The following UBAC2 variants were observed in gnomAD, a reference collection of about 807,000 sequenced individuals.
The protein encoded by UBAC2 is ubiquitin-associated domain-containing protein 2.
In UBAC2, 26 loss-of-function variants were observed where a neutral mutation model predicts 44.0. The ratio of observed to expected loss-of-function variants is 0.59; its 90% CI spans 0.43 to 0.82. The LOEUF (loss-of-function observed/expected upper bound fraction) is 0.82. UBAC2 is among the 40% of genes least tolerant of loss of function. The pLI is 0.00. For synonymous variants in UBAC2, 155 were observed against 154.3 expected (o/e 1.00, Z -0.04); for missense variants, 329 against 419.4 (o/e 0.78, Z 1.88).
rs1289037061 is a variant in UBAC2 at position 99,371,212 on chromosome 13, G to A, written c.927+3306G>A. On this transcript the variant is annotated intron_variant, in intron 8 of 8. Transcript: ENST00000403766. ...TTGATCATCCCAGAATGACAACAGC[G>A]AGGTTACTTCTTGTCAACATCAGTT... Among the ~76,000 whole-genome samples the A allele has an allele frequency of 4.6e-5, 7 of 151,966 alleles. No individual in the cohort carries two copies. In the South Asian group the frequency reaches 6.2e-4, roughly 14 times the overall value.
chr13:99,320,841 A>G (rs1292563584), intron 6 of UBAC2, among the ~76,000 whole-genome samples: 1 of 152,254 alleles, frequency 6.6e-6, no homozygotes, highest in African/African-American at 2.4e-5. Flanking sequence ...TGAGATTCAC[A>G]AAGCCACAGT....
chr13:99,235,694 G>A (rs1292973859), intron 1 of UBAC2, among the ~76,000 whole-genome samples: 1 of 152,156 alleles, frequency 6.6e-6, no homozygotes, highest in Non-Finnish European at 1.5e-5. Context: ...TTGTGCTGGG[G>A]CCGGGTGCAG....
rs957900867 is a variant in UBAC2, at chr13:99,260,714, AT to A, written c.389+16101del. Among the ~76,000 whole-genome samples the A allele has an allele frequency of 1.5e-3, 223 of 149,160 alleles. 4 individuals are homozygous for A. In the East Asian group the frequency reaches 0.022, roughly 15 times the overall value. ...TTTCTTTAATACTTGAACCTAATGAATTTTTTTTTTTCCCCAAACAGAGGAA... is the reference window on the plus strand; with the variant it reads ...TTTCTTTAATACTTGAACCTAATGAATTTTTTTTTTCCCCAAACAGAGGAA... On this transcript the variant is annotated intron_variant, in intron 4 of 8. Coordinates refer to ENST00000403766, the MANE Select transcript of UBAC2 (RefSeq NM_001144072.2).
rs189291157 is a variant in UBAC2, at chr13:99,346,686, C to T, written c.807+6121C>T. Among the ~76,000 whole-genome samples, 19 of 152,204 alleles carry T rather than the reference C, an allele frequency of 1.2e-4. No homozygotes were observed. In the East Asian group the frequency reaches 2.1e-3, roughly 17 times the overall value. On this transcript the variant is annotated intron_variant, in intron 7 of 8. Transcript: ENST00000403766. The stretch of plus-strand genomic sequence containing the variant: ...TTTACTCGGCATTCCTGACAAATAT[C>T]GCCTCCTCAGGGAGGCCTTCCCCAG...
At chr13:99,367,285 C>T (rs1011133966) in intron 7 of UBAC2, among the ~76,000 whole-genome samples, 10 of 152,190 alleles carry the variant, frequency 6.6e-5, no homozygotes, top group East Asian at 1.9e-4. Flanking sequence ...CCACTGTGTG[C>T]GCTCAGGATT....
chr13:99,329,037 G>T (rs1291599936), intron 6 of UBAC2, among the ~76,000 whole-genome samples: 1 of 152,278 alleles, frequency 6.6e-6, no homozygotes, highest in African/African-American at 2.4e-5. Flanking sequence ...ATACTCATTT[G>T]TTCCATTACC....
intron 6 of UBAC2, 22 bp downstream of exon 6, chr13:99,318,091 C>T: frequency 6.3e-7 from 1 of 1,599,838 alleles, no homozygotes; most frequent in Non-Finnish European, 8.6e-7. Context: ...TACCCTTTTA[C>T]ACCCAATTCT....
At chr13:99,293,598 T>G (rs2044123848) in intron 4 of UBAC2, among the ~76,000 whole-genome samples, 1 of 152,216 alleles carries the variant, frequency 6.6e-6, no homozygotes, top group Admixed American at 6.5e-5. Context: ...GATTTGGGCT[T>G]TCATCCGTGT....
chr13:99,275,952 C>G (rs140032557), intron 4 of UBAC2, among the ~76,000 whole-genome samples: 17 of 152,298 alleles, frequency 1.1e-4, no homozygotes, highest in African/African-American at 4.1e-4. Context: ...AGATCATACT[C>G]TCCACTCTAA....
chr13:99,250,300 C>CTT (rs1312251282), intron 4 of UBAC2, among the ~76,000 whole-genome samples: 2 of 152,126 alleles, frequency 1.3e-5, no homozygotes, highest in Non-Finnish European at 2.9e-5. Flanking sequence ...ATCCTAGCAC[C>CTT]ATTTATTGAA....
chr13:99,312,227 G>A (rs1294870647), intron 4 of UBAC2, among the ~76,000 whole-genome samples: 4 of 152,236 alleles, frequency 2.6e-5, no homozygotes, highest in African/African-American at 9.6e-5. Context: ...GAGGCCAGGA[G>A]GGTCCTGTGT....
intron 1 of UBAC2, among the ~76,000 whole-genome samples, chr13:99,213,709 C>T (rs2042960186): frequency 6.6e-6 from 1 of 152,024 alleles, no homozygotes; most frequent in Admixed American, 6.6e-5. Flanking sequence ...CAGTATTTTC[C>T]CGTTAGAAAC....
intron 1 of UBAC2, among the ~76,000 whole-genome samples, chr13:99,232,399 G>GAGATAGATAGATATATATATATATATAT (rs1367302629): frequency 2.7e-5 from 3 of 109,902 alleles, no homozygotes; most frequent in South Asian, 5.4e-4. Flanking sequence ...TTAGTTGAGA[G>GAGATAGATAGATATATATATATATATAT]ATATAGATAT....
At position 99,300,470 on chromosome 13, in the gene UBAC2, A is replaced by G. The variant is rs182355046; in HGVS notation, c.390-13627A>G. Among the ~76,000 whole-genome samples the G allele has an allele frequency of 5.3e-4, 80 of 152,328 alleles. 2 individuals carry two copies. The East Asian group carries it at 0.015, about 29-fold the overall frequency. The stretch of plus-strand genomic sequence containing the variant: ...GCCAATTTTATGATCCCAAATTGAG[A>G]GGAAAATCCTTTCATATGCGTGACT... On this transcript the variant is annotated intron_variant, in intron 4 of 8. Coordinates refer to ENST00000403766, the MANE Select transcript of UBAC2 (RefSeq NM_001144072.2).
intron 1 of UBAC2, among the ~76,000 whole-genome samples, chr13:99,204,778 G>C (rs1011437307): frequency 8.6e-5 from 13 of 151,984 alleles, no homozygotes; most frequent in African/African-American, 3.1e-4. Flanking sequence ...AATGAGTGAG[G>C]AGTGAGTGGG....
At chr13:99,320,838 C>T (rs1332065551) in intron 6 of UBAC2, among the ~76,000 whole-genome samples, 2 of 152,244 alleles carry the variant, frequency 1.3e-5, no homozygotes, top group Non-Finnish European at 2.9e-5. Flanking sequence ...GCCTGAGATT[C>T]ACAAAGCCAC....
In UBAC2 at chr13:99,295,841, G is replaced by A; in HGVS notation, c.390-18256G>A. On this transcript the variant is annotated intron_variant, in intron 4 of 8. Coordinates refer to ENST00000403766, the MANE Select transcript of UBAC2 (RefSeq NM_001144072.2). The surrounding 1 kb of genome is among the most constrained non-coding windows in gnomAD (Gnocchi z 4.1). ...CACTAGCGCAGTTATCCTACACAAG[G>A]CATCTCCGATTCTCCAGTCAAAGCC... 6.2e-7 allele frequency: 1 copy of A among 1,605,972 alleles called. No individual in the cohort carries two copies. The highest frequency in any genetic ancestry group is 8.5e-7 in the Non-Finnish European group (1 of 1,174,728).
At chr13:99,384,831 T>TGTGATGCCAGGGCCGAGCGTGGGAGTGAC (rs1566533724) in intron 8 of UBAC2, among the ~76,000 whole-genome samples, 2 of 112,240 alleles carry the variant, frequency 1.8e-5, no homozygotes, top group Admixed American at 8.4e-5. Context: ...GTGGCAGTGA[T>TGTGATGCCAGGGCCGAGCGTGGGAGTGAC]GCCAGGAGTG....
chr13:99,258,603 T>G (rs987173075), intron 4 of UBAC2: 6 of 152,192 alleles, frequency 3.9e-5, no homozygotes, highest in African/African-American at 1.4e-4. Flanking sequence ...AAAGAGAAGA[T>G]TTGATATTGA....
Sources: allele counts gnomAD v4.1 joint callset (sites outside exome capture counted in the v4.1 genomes callset), GRCh38; gene constraint gnomAD v4.1.1; non-coding constraint Gnocchi (gnomAD v3.1); transcripts MANE v1.5; gene names NCBI Gene and HGNC (gene_info 2026-07-23, HGNC 2026-07-21).